The following USP15 variants were observed in gnomAD, a reference collection of about 807,000 sequenced individuals.
The protein encoded by USP15 is ubiquitin specific peptidase 15, also known as ubiquitin carboxyl-terminal hydrolase 15.
A neutral mutation model predicts 127.1 loss-of-function variants in USP15; 18 were observed. The ratio of observed to expected loss-of-function variants is 0.14; its 90% CI spans 0.10 to 0.21. The LOEUF is 0.21. Ranked by LOEUF, USP15 falls within the 10% of genes least tolerant of loss-of-function variation. The pLI, the probability that USP15 is intolerant of heterozygous loss-of-function variation, is 1.00. For synonymous variants in USP15, 364 were observed against 393.7 expected (o/e 0.92, Z 0.89); for missense variants, 805 against 1,159.9 (o/e 0.69, Z 4.44).
intron 5 of USP15, 77 bp downstream of exon 5, chr12:62,321,686 T>C (rs1407891058): frequency 3.2e-6 from 4 of 1,239,282 alleles, no homozygotes; most frequent in Non-Finnish European, 4.3e-6. Context: ...ATCCTGGCAA[T>C]ATATAATGGG....
At chr12:62,402,001 TGTTA>T (rs1205786200) in intron 21 of USP15, among the ~76,000 whole-genome samples, 1 of 151,342 alleles carries the variant, frequency 6.6e-6, no homozygotes, top group African/African-American at 2.4e-5. Flanking sequence ...TTTAAAATTG[TGTTA>T]GTTTTAATTA....
At chr12:62,335,083 A>T (rs1428267924) in intron 6 of USP15, 1 of 1,439,758 alleles carries the variant, frequency 6.9e-7, no homozygotes, top group Non-Finnish European at 9.4e-7. Context: ...CAAACTGGCC[A>T]AAATTAGTTT....
chr12:62,391,048 A>G, intron 15 of USP15, 69 bp downstream of exon 15: 1 of 1,532,504 alleles, frequency 6.5e-7, no homozygotes. Flanking sequence ...AAGTTAAGAA[A>G]ATGGGAATTA....
intron 1 of USP15, among the ~76,000 whole-genome samples, chr12:62,262,902 C>T (rs1052714308): frequency 9.2e-5 from 14 of 152,142 alleles, no homozygotes; most frequent in Non-Finnish European, 1.9e-4. Context: ...AGTTTATCCT[C>T]ACGTTAATTT....
chr12:62,292,647 CT>C (rs1217467579), intron 1 of USP15, among the ~76,000 whole-genome samples: 1 of 152,182 alleles, frequency 6.6e-6, no homozygotes, highest in Non-Finnish European at 1.5e-5. Context: ...CAGGACCTTA[CT>C]CCTCACTTGC....
rs960092858 is a variant in USP15, at chr12:62,294,474, A to G, written c.217+168A>G. 8 of 661,574 alleles carry G rather than the reference A, an allele frequency of 1.2e-5. No individual in the cohort carries two copies. The African/African-American group carries it at 1.5e-4, about 13-fold the overall frequency. The allele number at this position is 661,574 out of a possible 1,614,324, so 41.0% of individuals were successfully genotyped here. A position where few individuals can be genotyped will look rare whatever the true frequency, so the allele number is the denominator to read the frequency against. On this transcript the variant is annotated intron_variant, in intron 2 of 21. Coordinates refer to ENST00000280377, the MANE Select transcript of USP15 (RefSeq NM_001252078.2). ...CTAATAAGTTATTAAAAATTTTATT[A>G]GTTATTATTCTGTATGACAAGTTTT...
chr12:62,321,745 T>C (rs1038798006), intron 5 of USP15, 136 bp downstream of exon 5: 10 of 619,642 alleles, frequency 1.6e-5, no homozygotes, highest in Admixed American at 4.3e-5. Context: ...TTGTCTTTCC[T>C]TGCTGGTTAC....
At chr12:62,322,175 T>C (rs2065003906) in intron 5 of USP15, among the ~76,000 whole-genome samples, 1 of 152,228 alleles carries the variant, frequency 6.6e-6, no homozygotes, top group South Asian at 2.1e-4. Flanking sequence ...TTGCCCAGGC[T>C]GGAGTGCAGT....
intron 1 of USP15, among the ~76,000 whole-genome samples, chr12:62,277,329 T>C (rs1245859459): frequency 6.6e-6 from 1 of 152,154 alleles, no homozygotes; most frequent in Non-Finnish European, 1.5e-5. Flanking sequence ...AACATGTCAC[T>C]GACAGTGCTT....
rs1026736303 is a variant in USP15, at chr12:62,411,051, T to G, written c.*6676T>G. 1 of 152,150 alleles carries G rather than the reference T, an allele frequency of 6.6e-6. No homozygotes were observed. The highest frequency in any genetic ancestry group is 2.1e-4 in the South Asian group (1 of 4,828). 9.4% of individuals were successfully genotyped at this position (152,150 alleles called of 1,614,324 possible). ...GGTTCTCAGCAAGCCACACCTGAAT[T>G]CCTAACCCACAAAAACTGTGAGATA... On this transcript the variant is annotated 3_prime_UTR_variant, in exon 22 of 22. Coordinates refer to ENST00000280377, the MANE Select transcript of USP15 (RefSeq NM_001252078.2).
At chr12:62,334,663 A>T (rs11174428) in intron 6 of USP15, among the ~76,000 whole-genome samples, 50,097 of 152,000 alleles carry the variant, frequency 0.33, 8,761 homozygotes, top group African/African-American at 0.45. Flanking sequence ...GTCTTGTTTT[A>T]GTTACTAAGC....
At chr12:62,299,618 A>C (rs772495489) in intron 2 of USP15, among the ~76,000 whole-genome samples, 1 of 152,208 alleles carries the variant, frequency 6.6e-6, no homozygotes, top group Non-Finnish European at 1.5e-5. Flanking sequence ...TATTGTTGCT[A>C]TGAACATTCA....
chr12:62,407,950 T>G lies in USP15; in HGVS notation c.*3575T>G, dbSNP rs2067926238. 1 of 152,194 alleles carries G rather than the reference T, an allele frequency of 6.6e-6. No individual in the cohort carries two copies. Among genetic ancestry groups the G allele is most frequent in the Admixed American group, 6.5e-5 (1 of 15,272 alleles). The allele number at this position is 152,194 out of a possible 1,614,324, so 9.4% of individuals were successfully genotyped here. ...CTTGCTTTCTCATAATCTGTGTTAT[T>G]TTAGTAGTCCTGTATTTATCCTTGC... On this transcript the variant is annotated 3_prime_UTR_variant, in exon 22 of 22. Coordinates refer to ENST00000280377, the MANE Select transcript of USP15 (RefSeq NM_001252078.2).
intron 20 of USP15, among the ~76,000 whole-genome samples, chr12:62,400,613 TAAAA>T (rs5798641): frequency 7.3e-6 from 1 of 137,428 alleles, no homozygotes. Context: ...ATTCTGGTGT[TAAAA>T]AAAAAAAAAA....
At chr12:62,271,651 T>C (rs1175081881) in intron 1 of USP15, among the ~76,000 whole-genome samples, 1 of 151,940 alleles carries the variant, frequency 6.6e-6, no homozygotes, top group Non-Finnish European at 1.5e-5. Flanking sequence ...GAGTCAAGCA[T>C]TATTAATTAT....
In USP15 at chr12:62,414,976, A is replaced by ATACGTATATATCATATATG. The variant is rs2068121950; in HGVS notation, c.*10604_*10605insGTATATATCATATATGTAC. ...CCTCATATATACACATATCATGTAT[A>ATACGTATATATCATATATG]TACATATATATCATATATGTACATA... On this transcript the variant is annotated 3_prime_UTR_variant, in exon 22 of 22. Coordinates refer to ENST00000280377, the MANE Select transcript of USP15 (RefSeq NM_001252078.2). The ATACGTATATATCATATATG allele has an allele frequency of 6.8e-6, 1 of 147,158 alleles. No individual in the cohort carries two copies. The highest frequency in any genetic ancestry group is 2.5e-5 in the African/African-American group (1 of 39,544). 9.1% of individuals were successfully genotyped at this position (147,158 alleles called of 1,614,324 possible).
chr12:62,346,429 A>G (rs2065820686), intron 6 of USP15, among the ~76,000 whole-genome samples: 1 of 152,164 alleles, frequency 6.6e-6, no homozygotes, highest in Admixed American at 6.5e-5. Flanking sequence ...GTCAAATAAC[A>G]TTTAAATAAC....
rs192946946 is a variant in USP15, at chr12:62,299,030, C to G, written c.218-3760C>G. ...CCCTATCCCTTCTTTGCTGCCACCCCCCACTCTAGACAACTACTAATCTCC... is the reference window on the plus strand; with the variant it reads ...CCCTATCCCTTCTTTGCTGCCACCCGCCACTCTAGACAACTACTAATCTCC... On this transcript the variant is annotated intron_variant, in intron 2 of 21. Transcript: ENST00000280377. Among the ~76,000 whole-genome samples, 11 of 152,210 alleles carry G rather than the reference C, an allele frequency of 7.2e-5. No homozygotes were observed. The East Asian group carries it at 1.9e-3, about 27-fold the overall frequency.
At chr12:62,298,003 G>A (rs937174993) in intron 2 of USP15, among the ~76,000 whole-genome samples, 1 of 152,150 alleles carries the variant, frequency 6.6e-6, no homozygotes, top group Non-Finnish European at 1.5e-5. Flanking sequence ...TTTGGAATAC[G>A]ATAACTGAAA....
Sources: allele counts gnomAD v4.1 joint callset (sites outside exome capture counted in the v4.1 genomes callset), GRCh38; gene constraint gnomAD v4.1.1; transcripts MANE v1.5; gene names NCBI Gene and HGNC (gene_info 2026-07-23, HGNC 2026-07-21).